The following AFF3 variants were observed in gnomAD, a reference collection of about 807,000 sequenced individuals.
AFF3 encodes the protein ALF transcription elongation factor 3, also known as AF4/FMR2 family member 3.
Under a neutral mutation model 129.7 loss-of-function variants are expected in AFF3, and 32 were observed. The observed-to-expected ratio is 0.25, with a 90% confidence interval of 0.19 to 0.33. The LOEUF (loss-of-function observed/expected upper bound fraction) is 0.33. Ranked by LOEUF, AFF3 falls within the 10% of genes least tolerant of loss-of-function variation. The pLI, the probability that AFF3 is intolerant of heterozygous loss-of-function variation, is 1.00. For synonymous variants in AFF3, 644 were observed against 635.4 expected (o/e 1.01, Z -0.20); for missense variants, 1,373 against 1,592.0 (o/e 0.86, Z 2.34).
chr2:99,962,151 A>C lies in AFF3; in HGVS notation c.873+44481T>G, dbSNP rs143200802. Among the ~76,000 whole-genome samples the C allele has an allele frequency of 4.5e-3, 683 of 152,256 alleles. 13 individuals are homozygous for C. Among genetic ancestry groups the C allele is most frequent in the East Asian group, 4.1e-3 (21 of 5,182 alleles). The stretch of plus-strand genomic sequence containing the variant: ...TATAGGCTACATACTCCACTGCTCC[A>C]CATAATGCAGTAGGGAACCTGGCCT... On this transcript the variant is annotated intron_variant, in intron 7 of 24. Coordinates refer to ENST00000672756, the MANE Select transcript of AFF3 (RefSeq NM_001386135.1).
At chr2:99,786,533 A>G (rs553416884) in intron 8 of AFF3, among the ~76,000 whole-genome samples, 64 of 152,368 alleles carry the variant, frequency 4.2e-4, no homozygotes, top group African/African-American at 1.5e-3. Context: ...CTTACATGGT[A>G]ATAATGCAAG....
At chr2:100,033,860 T>C (rs186302505) in intron 4 of AFF3, among the ~76,000 whole-genome samples, 2 of 152,322 alleles carry the variant, frequency 1.3e-5, no homozygotes, top group Non-Finnish European at 2.9e-5. Context: ...TACTATATAA[T>C]AAAATTATGT....
intron 4 of AFF3, among the ~76,000 whole-genome samples, chr2:100,052,018 G>A (rs1046776018): frequency 6.6e-6 from 1 of 152,190 alleles, no homozygotes; most frequent in South Asian, 2.1e-4. Context: ...AAGGGCCTCG[G>A]GATGTTCATC....
At chr2:99,611,453 C>T (rs188621255) in intron 13 of AFF3, among the ~76,000 whole-genome samples, 3 of 152,116 alleles carry the variant, frequency 2.0e-5, no homozygotes, top group East Asian at 3.9e-4. Context: ...TCCACTAATG[C>T]GATGTTGGCA....
chr2:99,653,942 C>T (rs1382951933), intron 12 of AFF3, among the ~76,000 whole-genome samples: 4 of 134,414 alleles, frequency 3.0e-5, no homozygotes, highest in Admixed American at 8.8e-5. Context: ...TGCAGTGATG[C>T]GGTCTCAGCT....
intron 18 of AFF3, among the ~76,000 whole-genome samples, chr2:99,570,439 C>T (rs1188330732): frequency 6.6e-6 from 1 of 152,094 alleles, no homozygotes; most frequent in Non-Finnish European, 1.5e-5. Context: ...TGGGGTTAAG[C>T]GACCCTCCCA....
At chr2:99,814,060 C>T (rs1687013391) in intron 8 of AFF3, among the ~76,000 whole-genome samples, 1 of 152,104 alleles carries the variant, frequency 6.6e-6, no homozygotes, top group Non-Finnish European at 1.5e-5. Context: ...CAGCTCAATA[C>T]CCACCTGAGG....
At chr2:99,601,681 A>G in intron 13 of AFF3, 60 bp from the exon 14 acceptor site, 2 of 1,548,734 alleles carry the variant, frequency 1.3e-6, no homozygotes, top group East Asian at 4.5e-5. Context: ...AGCAAACAGG[A>G]AAACACCACC....
At chr2:99,696,669 T>C (rs887041388) in intron 11 of AFF3, among the ~76,000 whole-genome samples, 14 of 151,876 alleles carry the variant, frequency 9.2e-5, no homozygotes, top group African/African-American at 2.9e-4. Context: ...TTTTTTTTTC[T>C]TCTTTGAGTC....
chr2:99,704,126 A>G (rs1677137601), intron 11 of AFF3, among the ~76,000 whole-genome samples: 1 of 152,214 alleles, frequency 6.6e-6, no homozygotes, highest in African/African-American at 2.4e-5. Flanking sequence ...AGATGTCATT[A>G]TAACTTCTGC....
intron 4 of AFF3, among the ~76,000 whole-genome samples, chr2:100,079,800 A>G (rs983134702): frequency 6.6e-6 from 1 of 152,154 alleles, no homozygotes; most frequent in Admixed American, 6.5e-5. Context: ...AGGGTACAAG[A>G]AAGGTCTGAT....
At chr2:100,018,868 A>T (rs1683358450) in intron 4 of AFF3, among the ~76,000 whole-genome samples, 1 of 152,124 alleles carries the variant, frequency 6.6e-6, no homozygotes, top group Non-Finnish European at 1.5e-5. Context: ...GCTGACTCTC[A>T]GGGCTTTTCA....
chr2:100,115,534 G>A (rs977721481), intron 2 of AFF3, among the ~76,000 whole-genome samples: 50 of 152,268 alleles, frequency 3.3e-4, no homozygotes, highest in African/African-American at 1.1e-3. Context: ...ATCCAGCCTG[G>A]GTGACAGAGG....
Position 99,753,028 on chromosome 2 carries a change from C to T in AFF3, c.922-727G>A, listed in dbSNP as rs180694746. 2.0e-3 allele frequency among the ~76,000 whole-genome samples: 299 copies of T among 152,238 alleles called. 4 individuals are homozygous for T. The highest frequency in any genetic ancestry group is 6.8e-3 in the Middle Eastern group (2 of 292). ...GGGAGTTCCAATCAATAAATGATTA[C>T]AGAATTACATTGATTTCTGATGACC... On this transcript the variant is annotated intron_variant, in intron 8 of 24. Coordinates refer to ENST00000672756, the MANE Select transcript of AFF3 (RefSeq NM_001386135.1).
In AFF3 at chr2:100,140,044, C is replaced by T. The variant is rs140917691; in HGVS notation, c.-228+2440G>A. ...AAGAACCAACATTATTTATACTTTT[C>T]ATTTCCATTTAACTTGCCTTTACCG... On this transcript the variant is annotated intron_variant, in intron 1 of 24. Coordinates refer to ENST00000672756, the MANE Select transcript of AFF3 (RefSeq NM_001386135.1). Among the ~76,000 whole-genome samples, 1,469 of 152,308 alleles carry T rather than the reference C, an allele frequency of 9.6e-3. 25 individuals carry two copies. The highest frequency in any genetic ancestry group is 0.033 in the African/African-American group (1,374 of 41,560).
At chr2:99,988,192 C>T (rs1185119342) in intron 7 of AFF3, among the ~76,000 whole-genome samples, 2 of 152,076 alleles carry the variant, frequency 1.3e-5, no homozygotes, top group African/African-American at 4.8e-5. Context: ...GGGAGAAGTG[C>T]TATGAAGGAA....
intron 7 of AFF3, among the ~76,000 whole-genome samples, chr2:99,863,228 A>G (rs1192814986): frequency 1.3e-5 from 2 of 152,210 alleles, no homozygotes; most frequent in African/African-American, 2.4e-5. Flanking sequence ...TGCATTGTCT[A>G]TGTAATGGGG....
intron 7 of AFF3, among the ~76,000 whole-genome samples, chr2:99,840,143 T>C (rs1689212372): frequency 6.6e-6 from 1 of 152,192 alleles, no homozygotes. Context: ...TTGGTAGTGT[T>C]CATGGATGCA....
chr2:100,118,897 C>T (rs1691836940), intron 2 of AFF3, among the ~76,000 whole-genome samples: 1 of 151,898 alleles, frequency 6.6e-6, no homozygotes. Flanking sequence ...GCCTCTGCCT[C>T]CTAGGTTCAA....
Sources: gnomAD v4.1 joint callset for allele counts (sites outside exome capture counted in the v4.1 genomes callset) on GRCh38, gnomAD v4.1.1 for gene constraint, MANE v1.5 for transcripts, NCBI Gene and HGNC (gene_info 2026-07-23, HGNC 2026-07-21) for gene names.